SHTN1: variants seen among roughly 807,000 people sequenced by gnomAD.
The protein encoded by SHTN1 is shootin-1.
SHTN1 carries 42 observed loss-of-function variants against 83.1 expected under a neutral mutation model. That is an observed-to-expected ratio of 0.51 (90% confidence interval 0.39 to 0.65). The LOEUF (loss-of-function observed/expected upper bound fraction) is 0.65. Among genes scored for constraint, SHTN1 ranks in the 30% least tolerant of loss-of-function variants. The probability of loss-of-function intolerance (pLI) is 0.00; values close to 1 mark genes in which losing one functional copy is unlikely to be tolerated. For synonymous variants in SHTN1, 224 were observed against 247.7 expected (o/e 0.90, Z 0.90); for missense variants, 622 against 737.8 (o/e 0.84, Z 1.82).
chr10:116,978,908 T>C (rs1850909289), intron 2 of SHTN1, among the ~76,000 whole-genome samples: 1 of 152,202 alleles, frequency 6.6e-6, no homozygotes, highest in Non-Finnish European at 1.5e-5. Flanking sequence ...GTCCCAACAG[T>C]ACATGTATGA....
intron 1 of SHTN1, among the ~76,000 whole-genome samples, chr10:116,988,240 T>C (rs1851293047): frequency 6.6e-6 from 1 of 151,864 alleles, no homozygotes; most frequent in Admixed American, 6.6e-5. Flanking sequence ...ATATTCTCTG[T>C]ATTTTTGGCT....
At chr10:116,929,241 T>C (rs1464008285) in intron 10 of SHTN1, among the ~76,000 whole-genome samples, 2 of 152,306 alleles carry the variant, frequency 1.3e-5, no homozygotes, top group East Asian at 3.9e-4. Context: ...GACTTACACA[T>C]ATGCCCGTAT....
chr10:117,045,746 A>G (rs1852652683), intron 2 of SHTN1, among the ~76,000 whole-genome samples: 1 of 152,224 alleles, frequency 6.6e-6, no homozygotes, highest in African/African-American at 2.4e-5. Flanking sequence ...AAAAGACAAT[A>G]AAACATGCAG....
chr10:116,935,314 CTCT>C (rs1331377615), intron 9 of SHTN1, among the ~76,000 whole-genome samples: 35 of 152,296 alleles, frequency 2.3e-4, no homozygotes, highest in African/African-American at 8.2e-4. Context: ...TCATAAATAG[CTCT>C]TATTATTTTG....
chr10:117,000,251 G>A (rs1009575225), intron 1 of SHTN1, among the ~76,000 whole-genome samples: 4 of 152,258 alleles, frequency 2.6e-5, no homozygotes, highest in Middle Eastern at 3.4e-3. Flanking sequence ...CCAGACTGAC[G>A]TGGTCATTGT....
chr10:116,901,702 A>G (rs1847743786), intron 16 of SHTN1, 63 bp downstream of exon 16: 1 of 1,423,686 alleles, frequency 7.0e-7, no homozygotes, highest in African/African-American at 1.5e-5. Flanking sequence ...AATCAAAGAA[A>G]CACACAAGTT....
chr10:117,078,593 T>C (rs1394746986), intron 1 of SHTN1, among the ~76,000 whole-genome samples: 6 of 152,176 alleles, frequency 3.9e-5, no homozygotes, highest in South Asian at 4.1e-4. Flanking sequence ...CTTTGATCCA[T>C]TGTGTCTTGT....
chr10:117,041,544 G>A (rs1275644312), intron 2 of SHTN1, among the ~76,000 whole-genome samples: 3 of 152,058 alleles, frequency 2.0e-5, no homozygotes, highest in Non-Finnish European at 4.4e-5. Flanking sequence ...TGCTTCATAC[G>A]AGGATAGCAT....
At position 117,092,625 on chromosome 10, in the gene SHTN1, C is replaced by T. The variant is rs780769257; in HGVS notation, c.-189+33682G>A. On this transcript the variant is annotated intron_variant, in intron 1 of 17. Transcript: ENST00000392901. ...TAAGGATCTGCCAATCATGAGGCAA[C>T]GGCGCCCAGCTGGTTTGGGTCACTG... Among the ~76,000 whole-genome samples, 10 of 152,312 alleles carry T rather than the reference C, an allele frequency of 6.6e-5. No individual in the cohort carries two copies. The South Asian group carries it at 1.2e-3, about 19-fold the overall frequency.
rs60004142 is a variant in SHTN1 at position 116,958,341 on chromosome 10, T to A, written c.267+1795A>T. Among the ~76,000 whole-genome samples, 1,340 of 152,304 alleles carry A rather than the reference T, an allele frequency of 8.8e-3. 22 individuals carry two copies. Among genetic ancestry groups the A allele is most frequent in the African/African-American group, 0.03 (1,266 of 41,556 alleles). ...ATAGTATTTGATTTAATCCATTTTT[T>A]AAATTTTTTTCTAGGCCCCATGAGT... On this transcript the variant is annotated intron_variant, in intron 4 of 16. Coordinates refer to ENST00000355371, the MANE Select transcript of SHTN1 (RefSeq NM_001127211.3).
chr10:116,899,071 C>G (rs1429277792), intron 16 of SHTN1, among the ~76,000 whole-genome samples: 2 of 151,968 alleles, frequency 1.3e-5, no homozygotes, highest in East Asian at 3.9e-4. Flanking sequence ...TTCATTTATT[C>G]AAAAAGAATT....
chr10:116,888,919 C>A (rs1400160554), intron 16 of SHTN1, among the ~76,000 whole-genome samples: 1 of 152,258 alleles, frequency 6.6e-6, no homozygotes, highest in African/African-American at 2.4e-5. Context: ...TGCAGCCCAG[C>A]TAAGGTTCCA....
At chr10:117,096,881 C>G (rs1479723623) in intron 1 of SHTN1, among the ~76,000 whole-genome samples, 2 of 152,150 alleles carry the variant, frequency 1.3e-5, no homozygotes, top group Non-Finnish European at 2.9e-5. Context: ...TGAAAGGCAG[C>G]CAAGCATTCC....
chr10:116,988,073 A>G (rs1005035989), intron 1 of SHTN1, among the ~76,000 whole-genome samples: 2 of 152,232 alleles, frequency 1.3e-5, no homozygotes, highest in African/African-American at 4.8e-5. Context: ...CATAGAACGT[A>G]CAAGACAAAA....
chr10:116,924,068 T>A (rs1372851342), intron 11 of SHTN1, among the ~76,000 whole-genome samples: 1 of 152,236 alleles, frequency 6.6e-6, no homozygotes, highest in East Asian at 1.9e-4. Flanking sequence ...TTCTCTTCTT[T>A]GGGCTTGCAA....
At chr10:116,920,912 C>G (rs1020459346) in intron 12 of SHTN1, among the ~76,000 whole-genome samples, 1 of 152,194 alleles carries the variant, frequency 6.6e-6, no homozygotes, top group African/African-American at 2.4e-5. Flanking sequence ...TCAGCTTGAA[C>G]ATCATTTTCA....
chr10:117,061,135 C>CTTT (rs5788206), intron 1 of SHTN1, among the ~76,000 whole-genome samples: 1 of 127,258 alleles, frequency 7.9e-6, no homozygotes, highest in African/African-American at 2.8e-5. Flanking sequence ...AAGCTTTAGT[C>CTTT]TTTTTTTTTT....
At chr10:116,996,700 A>G (rs1414220282) in intron 1 of SHTN1, among the ~76,000 whole-genome samples, 1 of 152,172 alleles carries the variant, frequency 6.6e-6, no homozygotes, top group African/African-American at 2.4e-5. Flanking sequence ...GAAACCTAAC[A>G]TTAAAGAGAT....
At chr10:116,982,332 T>TAAGGA (rs771547225) in intron 1 of SHTN1, among the ~76,000 whole-genome samples, 1 of 152,036 alleles carries the variant, frequency 6.6e-6, no homozygotes, top group Non-Finnish European at 1.5e-5. Flanking sequence ...AAGTAAGGTA[T>TAAGGA]AAGGAAAGGA....
Sources: allele counts gnomAD v4.1 joint callset (sites outside exome capture counted in the v4.1 genomes callset), GRCh38; gene constraint gnomAD v4.1.1; transcripts MANE v1.5; gene names NCBI Gene and HGNC (gene_info 2026-07-23, HGNC 2026-07-21).